ATP7A: variants seen among roughly 807,000 people sequenced by gnomAD.
The protein encoded by ATP7A is copper-transporting ATPase 1.
A neutral mutation model predicts 83.5 loss-of-function variants in ATP7A; 7 were observed. That is an observed-to-expected ratio of 0.08 (90% confidence interval 0.05 to 0.16). The LOEUF (loss-of-function observed/expected upper bound fraction) is 0.16, where lower values mean the gene tolerates loss of function less well. ATP7A is among the 10% of genes least tolerant of loss of function. The pLI is 1.00. For synonymous variants in ATP7A, 354 were observed against 395.2 expected (o/e 0.90, Z 1.24); for missense variants, 940 against 1,120.8 (o/e 0.84, Z 2.30).
At chrX:78,006,961 G>T (rs1603384416) in intron 6 of ATP7A, among the ~76,000 whole-genome samples, 2 of 112,000 alleles carry the variant, frequency 1.8e-5, no homozygotes, top group Non-Finnish European at 1.9e-5. Flanking sequence ...AAATAATGCT[G>T]CTATGAACAT....
rs1227500233 is a variant in ATP7A at position 78,049,173 on chromosome X, CA to C, written c.*2608del. 9.0e-6 allele frequency: 1 copy of C among 111,438 alleles called. No homozygotes were observed. The highest frequency in any genetic ancestry group is 1.9e-5 in the Non-Finnish European group (1 of 52,999). The allele number at this position is 111,438 out of a possible 1,213,427, so 9.2% of individuals were successfully genotyped here. A position where few individuals can be genotyped will look rare whatever the true frequency, so the allele number is the denominator to read the frequency against. Reference sequence around the variant, plus strand: ...AGAAAGAGGTGATTATGGAGGGAATCAAAAATACTGCTTTCAGTTAGTAGCT... The same window carrying C: ...AGAAAGAGGTGATTATGGAGGGAATCAAAATACTGCTTTCAGTTAGTAGCT... On this transcript the variant is annotated 3_prime_UTR_variant, in exon 23 of 23. Coordinates refer to ENST00000341514, the MANE Select transcript of ATP7A (RefSeq NM_000052.7).
intron 14 of ATP7A, among the ~76,000 whole-genome samples, chrX:78,026,866 C>T (rs1408033890): frequency 8.1e-5 from 9 of 111,264 alleles, no homozygotes; most frequent in African/African-American, 2.3e-4. Flanking sequence ...TAATGCATTT[C>T]GGCCGGGCGC....
At chrX:78,004,815 A>G (rs1557233577) in intron 6 of ATP7A, among the ~76,000 whole-genome samples, 1 of 111,930 alleles carries the variant, frequency 8.9e-6, no homozygotes, top group Non-Finnish European at 1.9e-5. Context: ...CCTGGGAGGC[A>G]GAGGTTGCAC....
chrX:77,948,106 TTCATTC>T (rs2077393148), intron 1 of ATP7A, among the ~76,000 whole-genome samples: 6 of 107,198 alleles, frequency 5.6e-5, no homozygotes, highest in Non-Finnish European at 1.1e-4. Flanking sequence ...TATTTATTCA[TTCATTC>T]ATTCATTCAT....
intron 2 of ATP7A, among the ~76,000 whole-genome samples, chrX:77,986,118 A>G (rs1215743335): frequency 1.8e-5 from 2 of 111,395 alleles, no homozygotes; most frequent in African/African-American, 6.5e-5. Flanking sequence ...AAAACCAAAT[A>G]TAATTTATTT....
intron 1 of ATP7A, among the ~76,000 whole-genome samples, chrX:77,911,644 G>A (rs1185205785): frequency 9.2e-6 from 1 of 109,231 alleles, no homozygotes; most frequent in Non-Finnish European, 1.9e-5. Flanking sequence ...GGCCTCAAAA[G>A]AGTTTACTTA....
chrX:77,912,673 C>T (rs1264892630), intron 1 of ATP7A, among the ~76,000 whole-genome samples: 1 of 112,073 alleles, frequency 8.9e-6, no homozygotes, highest in Admixed American at 9.5e-5. Flanking sequence ...TACTTTAATT[C>T]TGATTGAGTG....
chrX:77,920,496 C>T (rs952545171), intron 1 of ATP7A, among the ~76,000 whole-genome samples: 29 of 111,067 alleles, frequency 2.6e-4, no homozygotes, highest in Non-Finnish European at 4.9e-4. Flanking sequence ...GGATTACAGG[C>T]GTGAGCCACC....
In ATP7A at chrX:78,049,503, A is replaced by G. The variant is rs1009373393; in HGVS notation, c.*2933A>G. 1.8e-5 allele frequency: 2 copies of G among 112,452 alleles called. No individual in the cohort carries two copies. The highest frequency in any genetic ancestry group is 3.8e-5 in the Non-Finnish European group (2 of 53,189). 9.3% of individuals were successfully genotyped at this position (112,452 alleles called of 1,213,427 possible). A position where few individuals can be genotyped will look rare whatever the true frequency, so the allele number is the denominator to read the frequency against. On this transcript the variant is annotated 3_prime_UTR_variant, in exon 23 of 23. Coordinates refer to ENST00000341514, the MANE Select transcript of ATP7A (RefSeq NM_000052.7). Reference sequence around the variant, plus strand: ...GTGGCACCTTAAACTTAAATATCCAAAGATGCCTTTTGAATTTCAAAGATT... The same window carrying G: ...GTGGCACCTTAAACTTAAATATCCAGAGATGCCTTTTGAATTTCAAAGATT...
chrX:77,921,159 AC>A (rs1483746656), intron 1 of ATP7A, among the ~76,000 whole-genome samples: 4 of 111,488 alleles, frequency 3.6e-5, no homozygotes, highest in African/African-American at 1.3e-4. Flanking sequence ...TCGTGATCTG[AC>A]CTTACTTACC....
intron 1 of ATP7A, among the ~76,000 whole-genome samples, chrX:77,935,554 G>A (rs150664362): frequency 0.022 from 2,498 of 112,264 alleles, 41 homozygotes; most frequent in Middle Eastern, 0.032. Flanking sequence ...AATATTGTAA[G>A]CATTACTGGG....
chrX:77,928,512 C>G (rs1390667996), intron 1 of ATP7A, among the ~76,000 whole-genome samples: 1 of 110,865 alleles, frequency 9.0e-6, no homozygotes, highest in Non-Finnish European at 1.9e-5. Context: ...ACCACTGCCT[C>G]CATGGGGCAG....
At chrX:78,037,273 G>T (rs1301461002) in intron 17 of ATP7A, among the ~76,000 whole-genome samples, 2 of 112,067 alleles carry the variant, frequency 1.8e-5, no homozygotes, top group Non-Finnish European at 3.8e-5. Flanking sequence ...TAGATCTGTG[G>T]TGTCTAGGAA....
Position 78,003,084 on chromosome X carries a change from A to G in ATP7A, c.1555A>G (p.Ile519Val), listed in dbSNP as rs1234971496. The G allele has an allele frequency of 1.7e-6, 2 of 1,209,516 alleles. No individual in the cohort carries two copies. The highest frequency in any genetic ancestry group is 2.2e-6 in the Non-Finnish European group (2 of 893,604). Residue 519 changes from isoleucine to valine, a missense_variant, in exon 6 of 23, where the codon ATA becomes GTA. Around this residue, in one of 3 missense-constraint regions of ATP7A, gnomAD observed 350 missense variants for 432.8 expected, o/e 0.81. Transcript: ENST00000341514. ...ATCAATGCTCTTAGGAATATATTCT[A>G]TACTTGTGGCCCTGATGGCTGGCAA... ...NLRREEGIYS[I>V]LVALMAGKAE...
intron 1 of ATP7A, among the ~76,000 whole-genome samples, chrX:77,939,888 AC>A (rs1557225481): frequency 2.1e-5 from 2 of 96,788 alleles, no homozygotes; most frequent in South Asian, 9.5e-4. Flanking sequence ...TTTGGGGGGG[AC>A]CCCCCAAAAA....
intron 1 of ATP7A, among the ~76,000 whole-genome samples, chrX:77,920,959 T>C (rs1198092834): frequency 8.9e-6 from 1 of 112,241 alleles, no homozygotes; most frequent in Non-Finnish European, 1.9e-5. Flanking sequence ...TTTTAATAAA[T>C]GGAATAATAC....
intron 14 of ATP7A, among the ~76,000 whole-genome samples, 177 bp downstream of exon 14, chrX:78,021,256 A>T (rs1477200961): frequency 2.7e-5 from 3 of 111,930 alleles, no homozygotes; most frequent in African/African-American, 9.7e-5. Flanking sequence ...TTTGGAAAAA[A>T]AATTTTATTA....
chrX:77,933,163 C>T (rs1557224749), intron 1 of ATP7A, among the ~76,000 whole-genome samples: 1 of 111,605 alleles, frequency 9.0e-6, no homozygotes, highest in Non-Finnish European at 1.9e-5. Context: ...TCGAAACAAC[C>T]CTCTGAAACA....
At chrX:77,974,814 C>T in intron 2 of ATP7A, 1 of 296,648 alleles carries the variant, frequency 3.4e-6, no homozygotes, top group Non-Finnish European at 5.9e-6. Context: ...CCAGGGTAAG[C>T]CTCACTTGGT....
Sources: allele counts gnomAD v4.1 joint callset (sites outside exome capture counted in the v4.1 genomes callset), GRCh38; gene constraint gnomAD v4.1.1; regional missense constraint gnomAD v4.1.1; transcripts MANE v1.5; gene names NCBI Gene and HGNC (gene_info 2026-07-23, HGNC 2026-07-21).